The following LRRC4C variants were observed in gnomAD, a reference collection of about 807,000 sequenced individuals.
The protein encoded by LRRC4C is leucine-rich repeat-containing protein 4C.
Under a neutral mutation model 33.6 loss-of-function variants are expected in LRRC4C, and 5 were observed. That is an observed-to-expected ratio of 0.15 (90% confidence interval 0.08 to 0.31). The LOEUF is 0.31. Ranked by LOEUF, LRRC4C falls within the 10% of genes least tolerant of loss-of-function variation. The pLI, the probability that LRRC4C is intolerant of heterozygous loss-of-function variation, is 1.00. For missense variants in LRRC4C, 560 were observed against 796.7 expected (o/e 0.70, Z 3.58); for synonymous variants, 329 against 302.0 (o/e 1.09, Z -0.93).
chr11:40,764,418 C>A (rs765124986), intron 2 of LRRC4C, among the ~76,000 whole-genome samples: 1 of 152,132 alleles, frequency 6.6e-6, no homozygotes, highest in Admixed American at 6.5e-5. Context: ...CTTTGTCTTG[C>A]AGCTTGTGTG....
chr11:41,325,674 A>AAACAAC (rs142699257), intron 1 of LRRC4C, among the ~76,000 whole-genome samples: 9 of 150,382 alleles, frequency 6.0e-5, no homozygotes, highest in East Asian at 1.9e-4. Context: ...TTCACTGCAA[A>AAACAAC]AACAACAACA....
intron 2 of LRRC4C, among the ~76,000 whole-genome samples, chr11:40,861,883 G>T (rs1302175108): frequency 6.6e-6 from 1 of 152,124 alleles, no homozygotes; most frequent in Non-Finnish European, 1.5e-5. Flanking sequence ...TAAACAAACA[G>T]TTCTCAGCGT....
At chr11:41,417,494 G>A (rs1296329521) in intron 1 of LRRC4C, among the ~76,000 whole-genome samples, 1 of 152,006 alleles carries the variant, frequency 6.6e-6, no homozygotes, top group African/African-American at 2.4e-5. Flanking sequence ...GAAAAAGCAA[G>A]TTTCTTACTA....
chr11:40,480,021 G>A (rs1953463801), intron 3 of LRRC4C, among the ~76,000 whole-genome samples: 1 of 152,140 alleles, frequency 6.6e-6, no homozygotes, highest in African/African-American at 2.4e-5. Context: ...CTTGAAGAGA[G>A]TTAATCCTAT....
chr11:40,231,073 T>C (rs1444534157), intron 5 of LRRC4C, among the ~76,000 whole-genome samples: 2 of 151,936 alleles, frequency 1.3e-5, no homozygotes, highest in Non-Finnish European at 2.9e-5. Context: ...ACACGTGGAG[T>C]CAGAACTTCA....
At chr11:40,665,393 G>C (rs1473439488) in intron 2 of LRRC4C, among the ~76,000 whole-genome samples, 4 of 94,986 alleles carry the variant, frequency 4.2e-5, no homozygotes, top group Non-Finnish European at 8.5e-5. Context: ...TATATTATTA[G>C]GGGTAGGAGT....
intron 5 of LRRC4C, among the ~76,000 whole-genome samples, chr11:40,222,782 C>A (rs1316868481): frequency 6.6e-6 from 1 of 152,082 alleles, no homozygotes; most frequent in Admixed American, 6.5e-5. Flanking sequence ...CAGGCAAGCA[C>A]CATGCAGGCT....
chr11:41,276,508 A>T (rs753163594), intron 1 of LRRC4C, among the ~76,000 whole-genome samples: 8 of 152,120 alleles, frequency 5.3e-5, no homozygotes, highest in Non-Finnish European at 7.4e-5. Flanking sequence ...TTGACCTATA[A>T]TTCCTTCTTG....
intron 2 of LRRC4C, among the ~76,000 whole-genome samples, chr11:40,674,016 C>T (rs1382151987): frequency 6.6e-6 from 1 of 152,186 alleles, no homozygotes; most frequent in African/African-American, 2.4e-5. Context: ...ATCATCTAGG[C>T]TGCCATAAGG....
rs181457528 is a variant in LRRC4C, at chr11:41,350,946, G to A, written c.-496+108485C>T. 2.0e-3 allele frequency among the ~76,000 whole-genome samples: 305 copies of A among 152,226 alleles called. 3 individuals carry two copies. Among genetic ancestry groups the A allele is most frequent in the Middle Eastern group, 6.8e-3 (2 of 294 alleles). On this transcript the variant is annotated intron_variant, in intron 1 of 6. Coordinates refer to ENST00000528697, the MANE Select transcript of LRRC4C (RefSeq NM_001258419.2). ...ATCAACTCAGTCACACAAAAATATA[G>A]AGGCTGGGTGTGGTGGCTCATGCCT...
chr11:41,325,577 T>TTG (rs71466928), intron 1 of LRRC4C, among the ~76,000 whole-genome samples: 60 of 104,154 alleles, frequency 5.8e-4, no homozygotes, highest in East Asian at 1.1e-3. Context: ...TTTTTTTTTT[T>TTG]TGTGTGTGTG....
chr11:40,889,120 G>C (rs1955586851), intron 2 of LRRC4C, among the ~76,000 whole-genome samples: 1 of 151,976 alleles, frequency 6.6e-6, no homozygotes, highest in Non-Finnish European at 1.5e-5. Flanking sequence ...TGTGCCCCAA[G>C]ATTTTATTAA....
chr11:41,213,320 G>T (rs546008777), intron 1 of LRRC4C, among the ~76,000 whole-genome samples: 1 of 152,238 alleles, frequency 6.6e-6, no homozygotes, highest in South Asian at 2.1e-4. Context: ...TATTTATTTT[G>T]TGTAAAATTA....
At chr11:40,901,211 C>CTG (rs1956181236) in intron 2 of LRRC4C, among the ~76,000 whole-genome samples, 1 of 152,072 alleles carries the variant, frequency 6.6e-6, no homozygotes, top group Non-Finnish European at 1.5e-5. Context: ...CACAAATGCA[C>CTG]TCCTGGTAAG....
chr11:40,668,358 T>G (rs966355490), intron 2 of LRRC4C, among the ~76,000 whole-genome samples: 2 of 152,230 alleles, frequency 1.3e-5, no homozygotes, highest in South Asian at 4.1e-4. Context: ...CAATGTGTCC[T>G]CAACCAGTAT....
chr11:40,523,043 A>C (rs56020525), intron 3 of LRRC4C, among the ~76,000 whole-genome samples: 9,826 of 152,154 alleles, frequency 0.065, 829 homozygotes, highest in African/African-American at 0.2. Flanking sequence ...GCTTTCAATT[A>C]TTTTCGTTGC....
intron 2 of LRRC4C, among the ~76,000 whole-genome samples, chr11:40,735,598 G>T (rs1947819739): frequency 7.7e-6 from 1 of 129,702 alleles, no homozygotes; most frequent in African/African-American, 2.9e-5. Context: ...TTGCTATTGT[G>T]AATAGTGCCG....
chr11:40,199,436 G>T (rs994266086), intron 5 of LRRC4C, among the ~76,000 whole-genome samples: 11 of 152,132 alleles, frequency 7.2e-5, no homozygotes, highest in African/African-American at 2.7e-4. Flanking sequence ...AGGCCTTGTG[G>T]GTCTTTATAA....
chr11:40,339,116 G>A (rs1466314019), intron 3 of LRRC4C, among the ~76,000 whole-genome samples: 2 of 152,122 alleles, frequency 1.3e-5, no homozygotes, highest in Non-Finnish European at 2.9e-5. Flanking sequence ...TGGATTTCTC[G>A]CAGGAACATA....
Sources: allele counts gnomAD v4.1 joint callset (sites outside exome capture counted in the v4.1 genomes callset), GRCh38; gene constraint gnomAD v4.1.1; transcripts MANE v1.5; gene names NCBI Gene and HGNC (gene_info 2026-07-23, HGNC 2026-07-21).